RAPGEF4: variants seen among roughly 807,000 people sequenced by gnomAD.
RAPGEF4 encodes the protein RAP guanine-nucleotide-exchange factor (GEF) 4.
In RAPGEF4, 66 loss-of-function variants were observed where a neutral mutation model predicts 147.9. That is an observed-to-expected ratio of 0.45 (90% CI 0.37 to 0.55). The LOEUF (loss-of-function observed/expected upper bound fraction) is 0.55, where lower values mean the gene tolerates loss of function less well. Ranked by LOEUF, RAPGEF4 falls within the 20% of genes least tolerant of loss-of-function variation. The pLI is 0.00. For synonymous variants in RAPGEF4, 419 were observed against 442.7 expected (o/e 0.95, Z 0.67); for missense variants, 1,071 against 1,257.3 (o/e 0.85, Z 2.24).
chr2:173,027,707 T>C (rs1203426235), intron 25 of RAPGEF4, among the ~76,000 whole-genome samples: 2 of 152,234 alleles, frequency 1.3e-5, no homozygotes, highest in Non-Finnish European at 2.9e-5. Context: ...GTAAAATGCA[T>C]GCGAGCTAAC....
chr2:172,823,904 C>A (rs963297929), intron 4 of RAPGEF4, among the ~76,000 whole-genome samples: 1 of 152,214 alleles, frequency 6.6e-6, no homozygotes, highest in East Asian at 1.9e-4. Context: ...GCAAAGCTCT[C>A]CAGCTTCCTA....
chr2:172,841,550 A>C (rs1047711107), intron 4 of RAPGEF4, among the ~76,000 whole-genome samples: 3 of 152,164 alleles, frequency 2.0e-5, no homozygotes, highest in Non-Finnish European at 4.4e-5. Flanking sequence ...CATGAAGCTT[A>C]TCCAATGACA....
At chr2:172,758,693 C>T (rs1010082795) in intron 1 of RAPGEF4, among the ~76,000 whole-genome samples, 2 of 152,000 alleles carry the variant, frequency 1.3e-5, no homozygotes, top group Non-Finnish European at 2.9e-5. Context: ...TGGGCTGGGT[C>T]ATTTGGAGGA....
At chr2:172,937,111 C>T (rs1010290467) in intron 6 of RAPGEF4, among the ~76,000 whole-genome samples, 3 of 149,056 alleles carry the variant, frequency 2.0e-5, no homozygotes, top group Admixed American at 1.3e-4. Flanking sequence ...GTCCTACCTA[C>T]TTGGGAGACT....
At chr2:172,798,915 C>T (rs900384653) in intron 3 of RAPGEF4, among the ~76,000 whole-genome samples, 3 of 152,204 alleles carry the variant, frequency 2.0e-5, no homozygotes, top group African/African-American at 7.2e-5. Flanking sequence ...TGCATCAGTG[C>T]ATGAAAATTC....
At chr2:172,943,747 C>T (rs534478032) in intron 6 of RAPGEF4, among the ~76,000 whole-genome samples, 7 of 152,290 alleles carry the variant, frequency 4.6e-5, no homozygotes, top group South Asian at 4.1e-4. Flanking sequence ...GCCTTTCACC[C>T]GCTGTTTTTG....
At chr2:172,899,622 A>G (rs901456495) in intron 4 of RAPGEF4, among the ~76,000 whole-genome samples, 3 of 152,140 alleles carry the variant, frequency 2.0e-5, no homozygotes, top group African/African-American at 7.2e-5. Context: ...AGGCCAGCAA[A>G]TTCAGACTTG....
At chr2:172,889,265 A>T (rs1697605727) in intron 4 of RAPGEF4, among the ~76,000 whole-genome samples, 1 of 152,108 alleles carries the variant, frequency 6.6e-6, no homozygotes, top group Non-Finnish European at 1.5e-5. Context: ...TTTCAAGTTA[A>T]TGGGCTTTTA....
At chr2:172,828,133 A>G (rs988345803) in intron 4 of RAPGEF4, among the ~76,000 whole-genome samples, 1 of 152,198 alleles carries the variant, frequency 6.6e-6, no homozygotes, top group African/African-American at 2.4e-5. Flanking sequence ...GGAGATAAAT[A>G]TAAGAAAATA....
chr2:172,741,497 A>G (rs751477309), intron 1 of RAPGEF4, among the ~76,000 whole-genome samples: 23 of 152,196 alleles, frequency 1.5e-4, no homozygotes, highest in Non-Finnish European at 2.6e-4. Flanking sequence ...TGCTTCTTCT[A>G]TGTTTTTTGG....
intron 8 of RAPGEF4, among the ~76,000 whole-genome samples, chr2:172,964,230 C>T (rs1399583438): frequency 6.6e-6 from 1 of 152,012 alleles, no homozygotes; most frequent in Non-Finnish European, 1.5e-5. Context: ...GTAATAAGGG[C>T]AGTCCTGGAA....
chr2:172,775,468 C>T (rs1282930524), intron 1 of RAPGEF4, among the ~76,000 whole-genome samples: 2 of 152,190 alleles, frequency 1.3e-5, no homozygotes, highest in African/African-American at 4.8e-5. Flanking sequence ...CCTAACTAAT[C>T]ATAATCCCTG....
intron 6 of RAPGEF4, among the ~76,000 whole-genome samples, chr2:172,956,189 C>T (rs1688710644): frequency 6.6e-6 from 1 of 152,124 alleles, no homozygotes; most frequent in Non-Finnish European, 1.5e-5. Context: ...ACACCTGGCT[C>T]AGGCCCTGGT....
chr2:172,855,309 C>G (rs1693292760), intron 4 of RAPGEF4, among the ~76,000 whole-genome samples: 1 of 152,118 alleles, frequency 6.6e-6, no homozygotes, highest in Non-Finnish European at 1.5e-5. Flanking sequence ...AATACTGAAC[C>G]TGGAAATGGT....
chr2:173,016,655 C>G (rs4972526), intron 19 of RAPGEF4, among the ~76,000 whole-genome samples: 30,739 of 152,090 alleles, frequency 0.2, 3,508 homozygotes, highest in Middle Eastern at 0.32. Context: ...CAAAAGATAG[C>G]CTGGGAAAGA....
intron 6 of RAPGEF4, among the ~76,000 whole-genome samples, chr2:172,950,664 T>C (rs1452841986): frequency 6.6e-6 from 1 of 152,260 alleles, no homozygotes; most frequent in Non-Finnish European, 1.5e-5. Context: ...ATTACTCAAA[T>C]ACTCCTAAAG....
intron 4 of RAPGEF4, chr2:172,893,616 C>A (rs1698170712): frequency 6.6e-6 from 1 of 151,966 alleles, no homozygotes; most frequent in Non-Finnish European, 1.5e-5. Flanking sequence ...TTAGTTAGAG[C>A]CTCAGGTGTA....
At position 172,965,684 on chromosome 2, in the gene RAPGEF4, G is replaced by A; in HGVS notation, c.820+1G>A. On this transcript the variant is annotated splice_donor_variant, in intron 9 of 30. Coordinates refer to ENST00000397081, the MANE Select transcript of RAPGEF4 (RefSeq NM_007023.4). LOFTEE classifies it high-confidence loss of function. Reference sequence around the variant, plus strand: ...TTAGAAGATGGTGTTCTCAACCACGGTAAGATGAGCCCCAGTCCCTGGAAA... The same window carrying A: ...TTAGAAGATGGTGTTCTCAACCACGATAAGATGAGCCCCAGTCCCTGGAAA... The A allele has an allele frequency of 1.9e-6, 3 of 1,614,156 alleles. No individual in the cohort carries two copies. Among genetic ancestry groups the A allele is most frequent in the Non-Finnish European group, 1.7e-6 (2 of 1,180,018 alleles).
intron 11 of RAPGEF4, among the ~76,000 whole-genome samples, chr2:172,984,663 A>G (rs1339315993): frequency 1.3e-5 from 2 of 152,170 alleles, no homozygotes; most frequent in African/African-American, 4.8e-5. Context: ...GGAAGCCCTC[A>G]TATATACAGG....
Sources: gnomAD v4.1 joint callset for allele counts (sites outside exome capture counted in the v4.1 genomes callset) on GRCh38, gnomAD v4.1.1 for gene constraint, MANE v1.5 for transcripts, NCBI Gene and HGNC (gene_info 2026-07-23, HGNC 2026-07-21) for gene names.